The following HINT3 variants were observed in gnomAD, a reference collection of about 807,000 sequenced individuals.
HINT3 encodes the protein histidine triad nucleotide binding protein 3.
Under a neutral mutation model 19.1 loss-of-function variants are expected in HINT3, and 16 were observed. The observed-to-expected ratio is 0.84, with a 90% confidence interval of 0.57 to 1.27. The LOEUF is 1.27. HINT3 is among the 50% of genes most tolerant of loss of function. The probability of loss-of-function intolerance (pLI) is 0.00; values close to 1 mark genes in which losing one functional copy is unlikely to be tolerated. For missense variants in HINT3, 197 were observed against 225.8 expected (o/e 0.87, Z 0.82); for synonymous variants, 75 against 84.8 (o/e 0.88, Z 0.63).
chr6:125,960,655 T>TGGTG (rs1554209587), intron 1 of HINT3, among the ~76,000 whole-genome samples: 1 of 76,212 alleles, frequency 1.3e-5, no homozygotes, highest in Admixed American at 1.9e-4. Flanking sequence ...AGACTCTCTC[T>TGGTG]GGGGGGGGGG....
At chr6:125,960,317 T>C (rs1788900468) in intron 1 of HINT3, among the ~76,000 whole-genome samples, 1 of 152,162 alleles carries the variant, frequency 6.6e-6, no homozygotes, top group Non-Finnish European at 1.5e-5. Context: ...TGACCCAGGG[T>C]TGGGATTTTG....
chr6:125,972,312 G>T lies in HINT3; in HGVS notation c.373G>T (p.Asp125Tyr). ...KTILERNNFT[D>Y]FTNVRMGFHM... ...CATTCTTGAAAGAAATAATTTCACT[G>T]ACTTCACGAATGTGAGGTGTGTATA... The change falls in exon 3 of 5, where the codon GAC becomes TAC. Residue 125 changes from aspartate (D) to tyrosine (Y), a missense_variant. Coordinates refer to ENST00000229633, the MANE Select transcript of HINT3 (RefSeq NM_138571.5). 1 of 1,570,852 alleles carries T rather than the reference G, an allele frequency of 6.4e-7. No individual in the cohort carries two copies. Among genetic ancestry groups the T allele is most frequent in the South Asian group, 1.2e-5 (1 of 84,494 alleles).
At position 125,966,988 on chromosome 6, in the gene HINT3, A is replaced by C. The variant is rs1789027521; in HGVS notation, c.303A>C (p.Lys101Asn). Residue 101 changes from lysine (K) to asparagine (N), a missense_variant, in exon 2 of 5, where the codon AAA (lysine) becomes AAC (asparagine). By Grantham distance (94) the Lys-to-Asn change is moderately conservative. Transcript: ENST00000229633. The stretch of plus-strand genomic sequence containing the variant: ...TTGGAAACTGCAGAACTCTAAGGAA[A>C]GATCAAGTAGAACTGGGTAAGATGA... ...KHIGNCRTLR[K>N]DQVELVENMV... 2 of 1,598,676 alleles carry C rather than the reference A, an allele frequency of 1.3e-6. No homozygotes were observed. The highest frequency in any genetic ancestry group is 1.7e-6 in the Non-Finnish European group (2 of 1,167,036).
intron 1 of HINT3, among the ~76,000 whole-genome samples, chr6:125,963,701 C>T (rs888790688): frequency 1.3e-5 from 2 of 152,118 alleles, no homozygotes; most frequent in African/African-American, 2.4e-5. Flanking sequence ...GTATACCATA[C>T]AGAACATAAA....
intron 2 of HINT3, among the ~76,000 whole-genome samples, chr6:125,969,361 T>C (rs2081092948): frequency 6.6e-6 from 1 of 152,232 alleles, no homozygotes; most frequent in Non-Finnish European, 1.5e-5. Context: ...TCTGTTGGTC[T>C]GTGTGTCTGT....
chr6:125,963,055 T>G (rs1788965402), intron 1 of HINT3, among the ~76,000 whole-genome samples: 1 of 152,170 alleles, frequency 6.6e-6, no homozygotes, highest in South Asian at 2.1e-4. Flanking sequence ...TTGAACGTTG[T>G]CCCCTGTTGG....
Position 125,977,672 on chromosome 6 carries a change from C to T in HINT3, c.545C>T (p.Thr182Ile). The change falls in exon 5 of 5, where the codon ACA becomes ATA. Residue 182 changes from threonine (T) to isoleucine (I), a missense_variant. By Grantham distance (89) the Thr-to-Ile change is moderately conservative. Coordinates refer to ENST00000229633, the MANE Select transcript of HINT3 (RefSeq NM_138571.5). ...TADHLIEKLR[T>I] ...GATCACTTGATTGAAAAACTAAGAA[C>T]ATGAAAATGTCAAGAGTGGAAGATT... 2.0e-6 allele frequency: 3 copies of T among 1,516,344 alleles called. No individual in the cohort carries two copies. The highest frequency in any genetic ancestry group is 2.7e-6 in the Non-Finnish European group (3 of 1,116,810). The allele number at this position is 1,516,344 out of a possible 1,614,324, so 93.9% of individuals were successfully genotyped here. A position where few individuals can be genotyped will look rare whatever the true frequency, so the allele number is the denominator to read the frequency against.
chr6:125,959,350 CAG>C (rs745392640), intron 1 of HINT3, among the ~76,000 whole-genome samples: 21 of 152,244 alleles, frequency 1.4e-4, no homozygotes, highest in Non-Finnish European at 2.2e-4. Context: ...AGAGAAGGAA[CAG>C]AGAAATAGAA....
chr6:125,977,640 A>C lies in HINT3; in HGVS notation c.517-4A>C. On this transcript the variant is annotated splice_region_variant and splice_polypyrimidine_tract_variant and intron_variant, in intron 4 of 4. Transcript: ENST00000229633. Reference sequence around the variant, plus strand: ...GAATTAAAAAGTATGTTTTTTAATTACAGGCTGATCACTTGATTGAAAAAC... The same window carrying C: ...GAATTAAAAAGTATGTTTTTTAATTCCAGGCTGATCACTTGATTGAAAAAC... 3 of 1,452,278 alleles carry C rather than the reference A, an allele frequency of 2.1e-6. No individual in the cohort carries two copies. Among genetic ancestry groups the C allele is most frequent in the Non-Finnish European group, 2.8e-6 (3 of 1,061,914 alleles). 90.0% of individuals were successfully genotyped at this position (1,452,278 alleles called of 1,614,324 possible).
intron 1 of HINT3, among the ~76,000 whole-genome samples, chr6:125,957,704 C>T (rs1000080182): frequency 1.3e-5 from 2 of 152,112 alleles, no homozygotes; most frequent in Admixed American, 6.5e-5. Flanking sequence ...TGAGGTCAAA[C>T]TATTATTGAA....
chr6:125,959,099 T>TGAGTTTGAGGC (rs1788883009), intron 1 of HINT3, among the ~76,000 whole-genome samples: 1 of 151,880 alleles, frequency 6.6e-6, no homozygotes, highest in South Asian at 2.1e-4. Context: ...GAGTTTGAGG[T>TGAGTTTGAGGC]GAGTTTGAGG....
rs889287924 is a variant in HINT3 at position 125,956,922 on chromosome 6, C to A, written c.-56C>A. Reference sequence around the variant, plus strand: ...GAGGAGGTGCGGGACGCGGAGACTGCGCGGGCCCGGTAGCCCTGGAGAGGC... The same window carrying A: ...GAGGAGGTGCGGGACGCGGAGACTGAGCGGGCCCGGTAGCCCTGGAGAGGC... On this transcript the variant is annotated 5_prime_UTR_variant, in exon 1 of 5. Transcript: ENST00000229633. The A allele has an allele frequency of 2.3e-5, 35 of 1,506,564 alleles. No homozygotes were observed. Among genetic ancestry groups the A allele is most frequent in the Non-Finnish European group, 3.1e-5 (35 of 1,116,420 alleles). 93.3% of individuals were successfully genotyped at this position (1,506,564 alleles called of 1,614,324 possible).
At position 125,957,037 on chromosome 6, in the gene HINT3, G is replaced by C. The variant is rs754507956; in HGVS notation, c.60G>C (p.Ala20=). 17 of 1,550,644 alleles carry C rather than the reference G, an allele frequency of 1.1e-5. No homozygotes were observed. In the East Asian group the frequency reaches 3.9e-4, roughly 36 times the overall value. The change falls in exon 1 of 5, where the codon GCG becomes GCC. Residue 20 remains alanine (A), a synonymous_variant. Transcript: ENST00000229633. ...AGLAPDCEAS[A]TAETTVSSVG... ...TGGCCCCCGACTGTGAGGCCTCGGC[G>C]ACTGCAGAAACTACGGTTTCCTCAG...
intron 1 of HINT3, among the ~76,000 whole-genome samples, chr6:125,960,539 C>G (rs1788904631): frequency 6.6e-6 from 1 of 151,980 alleles, no homozygotes; most frequent in South Asian, 2.1e-4. Context: ...CACCTGTAAT[C>G]CCAGCTACTT....
intron 1 of HINT3, among the ~76,000 whole-genome samples, chr6:125,965,578 T>C (rs899139865): frequency 1.3e-5 from 2 of 151,900 alleles, no homozygotes; most frequent in African/African-American, 4.8e-5. Flanking sequence ...CTGGATAACA[T>C]AGGGAGACTC....
Position 125,956,926 on chromosome 6 carries a change from G to A in HINT3, c.-52G>A. The A allele has an allele frequency of 6.6e-7, 1 of 1,517,432 alleles. No individual in the cohort carries two copies. Among genetic ancestry groups the A allele is most frequent in the Non-Finnish European group, 8.9e-7 (1 of 1,124,460 alleles). The allele number at this position is 1,517,432 out of a possible 1,614,324, so 94.0% of individuals were successfully genotyped here. ...AGGTGCGGGACGCGGAGACTGCGCG[G>A]GCCCGGTAGCCCTGGAGAGGCCGAG... On this transcript the variant is annotated 5_prime_UTR_variant, in exon 1 of 5. Transcript: ENST00000229633.
intron 1 of HINT3, among the ~76,000 whole-genome samples, chr6:125,966,632 A>G (rs1052024659): frequency 2.0e-5 from 3 of 152,214 alleles, no homozygotes; most frequent in Non-Finnish European, 4.4e-5. Flanking sequence ...TGGTAATGAA[A>G]TTTTAGTGAA....
chr6:125,976,699 A>G (rs575063481), intron 4 of HINT3, among the ~76,000 whole-genome samples: 2 of 152,116 alleles, frequency 1.3e-5, no homozygotes, highest in East Asian at 3.9e-4. Context: ...ATCTTATAAA[A>G]TATGTTGTTG....
At position 125,974,892 on chromosome 6, in the gene HINT3, C is replaced by G; in HGVS notation, c.435C>G (p.His145Gln). 6.2e-7 allele frequency: 1 copy of G among 1,613,954 alleles called. No individual in the cohort carries two copies. Among genetic ancestry groups the G allele is most frequent in the Non-Finnish European group, 8.5e-7 (1 of 1,179,874 alleles). Residue 145 changes from histidine (H) to glutamine (Q), a missense_variant, in exon 4 of 5, where the codon CAC becomes CAG. Physicochemically the swap from His to Gln is conservative, Grantham distance 24 (BLOSUM62 0). Coordinates refer to ENST00000229633, the MANE Select transcript of HINT3 (RefSeq NM_138571.5). ...MPPFCSISHLHLHVLAPVDQL... is the reference protein window; with the variant it reads ...MPPFCSISHLQLHVLAPVDQL... ...CATTCTGTTCCATTTCCCACTTGCA[C>G]CTTCATGTTCTGGCACCAGTGGATC...
Sources: gnomAD v4.1 joint callset for allele counts (sites outside exome capture counted in the v4.1 genomes callset) on GRCh38, gnomAD v4.1.1 for gene constraint, MANE v1.5 for transcripts, NCBI Gene and HGNC (gene_info 2026-07-23, HGNC 2026-07-21) for gene names.